The following GPRC6A variants were observed in gnomAD, a reference collection of about 807,000 sequenced individuals.
GPRC6A encodes G protein-coupled receptor family C group 6 member A.
In GPRC6A, 54 loss-of-function variants were observed where a neutral mutation model predicts 47.0. That is an observed-to-expected ratio of 1.15 (90% CI 0.92 to 1.44). GPRC6A has a LOEUF of 1.44. GPRC6A is among the 40% of genes most tolerant of loss of function. The pLI is 0.00. For missense variants in GPRC6A, 1,112 were observed against 1,105.5 expected, an observed-to-expected ratio of 1.01 and a Z score of -0.08; for synonymous variants, 347 against 377.1, an observed-to-expected ratio of 0.92 and a Z score of 0.93.
At chr6:116,808,061 A>G (rs1431826171) in intron 2 of GPRC6A, among the ~76,000 whole-genome samples, 1 of 151,910 alleles carries the variant, frequency 6.6e-6, no homozygotes, top group East Asian at 1.9e-4. Flanking sequence ...AGGCTTGGGA[A>G]CCAGATAAAC....
intron 1 of GPRC6A, among the ~76,000 whole-genome samples, chr6:116,811,564 G>A (rs1773026039): frequency 6.6e-6 from 1 of 151,980 alleles, no homozygotes; most frequent in African/African-American, 2.4e-5. Flanking sequence ...AGATTCTAAA[G>A]AAGGATAGTG....
At chr6:116,810,805 GAAGT>G (rs1772999169) in intron 1 of GPRC6A, among the ~76,000 whole-genome samples, 1 of 151,616 alleles carries the variant, frequency 6.6e-6, no homozygotes, top group Non-Finnish European at 1.5e-5. Context: ...TTAAAAAAGA[GAAGT>G]AAGCCCAGCT....
chr6:116,810,168 A>G (rs9489039), intron 1 of GPRC6A, among the ~76,000 whole-genome samples: 4,278 of 152,208 alleles, frequency 0.028, 158 homozygotes, highest in African/African-American at 0.086. Flanking sequence ...ATTATTCCAG[A>G]GCACTGAGTT....
In GPRC6A at chr6:116,807,068, T is replaced by C. The variant is rs777085166; in HGVS notation, c.637A>G (p.Ile213Val). ...IQKSGWNWIG[I>V]ITTDDDYGRL... Reference sequence around the variant, plus strand: ...CCATAGTCATCATCTGTGGTTATGATGCCAATCCAGTTCCAACCAGATTTC... The same window carrying C: ...CCATAGTCATCATCTGTGGTTATGACGCCAATCCAGTTCCAACCAGATTTC... Residue 213 changes from isoleucine (I) to valine (V), a missense_variant, in exon 3 of 6, where the codon ATC becomes GTC. Ile to Val is a conservative substitution (Grantham distance 29, BLOSUM62 3). Transcript: ENST00000310357. 1.2e-6 allele frequency: 2 copies of C among 1,613,820 alleles called. No individual in the cohort carries two copies. The highest frequency in any genetic ancestry group is 2.2e-5 in the South Asian group (2 of 91,064).
At chr6:116,811,486 A>C (rs369426886) in intron 1 of GPRC6A, among the ~76,000 whole-genome samples, 4 of 152,144 alleles carry the variant, frequency 2.6e-5, no homozygotes, top group African/African-American at 9.6e-5. Context: ...AAAGGAACAC[A>C]ATAATTCTCC....
intron 3 of GPRC6A, among the ~76,000 whole-genome samples, chr6:116,805,492 T>C (rs987530825): frequency 4.6e-5 from 7 of 152,048 alleles, no homozygotes; most frequent in African/African-American, 1.7e-4. Context: ...GTAACATGAT[T>C]CTGCCTCAGG....
chr6:116,793,684 C>A (rs1772390088), intron 5 of GPRC6A, among the ~76,000 whole-genome samples: 1 of 152,154 alleles, frequency 6.6e-6, no homozygotes, highest in African/African-American at 2.4e-5. Context: ...ATTTCAGAAT[C>A]TCCCATATCT....
intron 1 of GPRC6A, among the ~76,000 whole-genome samples, chr6:116,812,097 CAAAG>C (rs1773044016): frequency 6.6e-6 from 1 of 151,958 alleles, no homozygotes; most frequent in South Asian, 2.1e-4. Flanking sequence ...AAGTCAATGA[CAAAG>C]AGAGAATTCT....
At chr6:116,821,462 C>T (rs1773476118) in intron 1 of GPRC6A, among the ~76,000 whole-genome samples, 2 of 152,200 alleles carry the variant, frequency 1.3e-5, no homozygotes, top group South Asian at 4.1e-4. Flanking sequence ...TCAAACTATA[C>T]TACAAGGCGA....
chr6:116,817,341 G>GA (rs1773258490), intron 1 of GPRC6A, among the ~76,000 whole-genome samples: 1 of 151,910 alleles, frequency 6.6e-6, no homozygotes. Flanking sequence ...CTGTTAGAAG[G>GA]AAAACTAACA....
rs371225636 is a variant in GPRC6A at position 116,793,484 on chromosome 6, C to G, written c.1673-234G>C. ...AGAGAAAATAGAGAAAGAAAAAAAGCCAGCTGGATTGTGAATGTTTAGGAA... is the reference window on the plus strand; with the variant it reads ...AGAGAAAATAGAGAAAGAAAAAAAGGCAGCTGGATTGTGAATGTTTAGGAA... On this transcript the variant is annotated intron_variant, in intron 5 of 5. Coordinates refer to ENST00000310357, the MANE Select transcript of GPRC6A (RefSeq NM_148963.4). Among the ~76,000 whole-genome samples the G allele has an allele frequency of 1.9e-3, 286 of 152,146 alleles. 1 individual carries two copies. The highest frequency in any genetic ancestry group is 0.017 in the Middle Eastern group (5 of 294).
chr6:116,828,731 G>A, intron 1 of GPRC6A, 89 bp downstream of exon 1: 7 of 1,055,062 alleles, frequency 6.6e-6, no homozygotes, highest in African/African-American at 3.2e-5. Flanking sequence ...TTTTTTAAAT[G>A]ATTTAGATAT....
intron 1 of GPRC6A, among the ~76,000 whole-genome samples, chr6:116,818,433 C>G (rs1381940281): frequency 7.3e-5 from 10 of 136,212 alleles, no homozygotes; most frequent in Non-Finnish European, 1.3e-4. Flanking sequence ...ACTTGGGAGG[C>G]TGAGGCAGGA....
At chr6:116,824,299 T>G (rs567796238) in intron 1 of GPRC6A, among the ~76,000 whole-genome samples, 1 of 151,538 alleles carries the variant, frequency 6.6e-6, no homozygotes, top group South Asian at 2.1e-4. Flanking sequence ...ATCAATAAAA[T>G]GAAAAGTTGA....
chr6:116,796,373 T>C lies in GPRC6A; in HGVS notation c.1549-538A>G, dbSNP rs188167796. 7.9e-5 allele frequency among the ~76,000 whole-genome samples: 12 copies of C among 152,308 alleles called. No homozygotes were observed. In the East Asian group the frequency reaches 2.3e-3, roughly 29 times the overall value. ...GAATATTAGATTTAAAAGACAGGCC[T>C]AAATATATACTATTTAAATAATCTT... On this transcript the variant is annotated intron_variant, in intron 4 of 5. Coordinates refer to ENST00000310357, the MANE Select transcript of GPRC6A (RefSeq NM_148963.4).
chr6:116,821,757 C>G (rs891391972), intron 1 of GPRC6A, among the ~76,000 whole-genome samples: 1 of 151,802 alleles, frequency 6.6e-6, no homozygotes, highest in Non-Finnish European at 1.5e-5. Context: ...CATAAAAACC[C>G]TAGAAGAAAA....
chr6:116,816,587 G>A (rs1773215570), intron 1 of GPRC6A, among the ~76,000 whole-genome samples: 3 of 152,300 alleles, frequency 2.0e-5, no homozygotes, highest in South Asian at 2.1e-4. Context: ...CATGAGCGAC[G>A]CAGAAGACGG....
intron 3 of GPRC6A, among the ~76,000 whole-genome samples, chr6:116,801,560 T>C (rs1772676286): frequency 1.3e-5 from 2 of 152,124 alleles, no homozygotes; most frequent in South Asian, 4.1e-4. Context: ...TGGCTTTTGT[T>C]GGGTATAAAA....
At chr6:116,818,255 C>T (rs1773306578) in intron 1 of GPRC6A, among the ~76,000 whole-genome samples, 1 of 151,976 alleles carries the variant, frequency 6.6e-6, no homozygotes, top group Non-Finnish European at 1.5e-5. Flanking sequence ...GAATTTTCGG[C>T]CGGGCGCGGT....
Sources: gnomAD v4.1 joint callset for allele counts (sites outside exome capture counted in the v4.1 genomes callset) on GRCh38, gnomAD v4.1.1 for gene constraint, MANE v1.5 for transcripts, NCBI Gene and HGNC (gene_info 2026-07-23, HGNC 2026-07-21) for gene names.